The following GRIN3B variants were observed in gnomAD, a reference collection of about 807,000 sequenced individuals.
The protein encoded by GRIN3B is glutamate receptor ionotropic, NMDA 3B.
GRIN3B carries 77 observed loss-of-function variants against 66.0 expected under a neutral mutation model. That is an observed-to-expected ratio of 1.17 (90% CI 0.97 to 1.41). The LOEUF (loss-of-function observed/expected upper bound fraction) is 1.41. GRIN3B is among the 40% of genes most tolerant of loss of function. The pLI is 0.00. For missense variants in GRIN3B, 1,787 were observed against 1,564.5 expected (o/e 1.14, Z -2.40); for synonymous variants, 823 against 749.7 (o/e 1.10, Z -1.60).
Position 1,005,275 on chromosome 19 carries a change from C to T in GRIN3B, c.1774C>T (p.Leu592Phe), listed in dbSNP as rs752736885. 29 of 1,613,496 alleles carry T rather than the reference C, an allele frequency of 1.8e-5. No homozygotes were observed. The Middle Eastern group carries it at 4.9e-4, about 27-fold the overall frequency. ...GGCCCTGCACCTCACCGCGCTCTTC[C>T]TCACCGTGTACGAGTGGCGTAGCCC... is the stretch of plus-strand genomic sequence containing the variant. ...FAALHLTALF[L>F]TVYEWRSPYG... The change falls in exon 3 of 9, where the codon CTC becomes TTC. Residue 592 changes from leucine (L) to phenylalanine (F), a missense_variant. Coordinates refer to ENST00000234389, the MANE Select transcript of GRIN3B (RefSeq NM_138690.3). The surrounding 1 kb of genome is among the most constrained non-coding windows in gnomAD (Gnocchi z 5.2).
intron 8 of GRIN3B, 72 bp from the exon 9 acceptor site, chr19:1,009,101 C>T: frequency 2.1e-6 from 3 of 1,439,776 alleles, no homozygotes; most frequent in Non-Finnish European, 9.1e-7. Context: ...CTGCCGTCAG[C>T]GGCCTCTGCA....
Position 1,003,395 on chromosome 19 carries a change from C to CG in GRIN3B, c.694dup (p.Val232GlyfsTer10). Reference sequence around the variant, plus strand: ...GCGGCGCCAGTGGGGGGTGAAGCACCGGTACCCGCGGCGGTCCTCCTCGGC... The same window carrying CG: ...GCGGCGCCAGTGGGGGGTGAAGCACCGGGTACCCGCGGCGGTCCTCCTCGGC... On this transcript the variant is annotated frameshift_variant, in exon 2 of 9. Transcript: ENST00000234389. LOFTEE classifies it high-confidence loss of function. The CG allele has an allele frequency of 6.4e-7, 1 of 1,556,728 alleles. No homozygotes were observed. The highest frequency in any genetic ancestry group is 8.6e-7 in the Non-Finnish European group (1 of 1,156,696).
In GRIN3B at chr19:1,007,685, G is replaced by A. The variant is rs1288243158; in HGVS notation, c.2110G>A (p.Ala704Thr). ...CACCGTGTGGGAGAGCAGCGCCGAGGCGTACATCAAGAAGAGCTTCCCCGA... is the reference window on the plus strand; with the variant it reads ...CACCGTGTGGGAGAGCAGCGCCGAGACGTACATCAAGAAGAGCTTCCCCGA... ...FGTVWESSAE[A>T]YIKKSFPDMH... The change falls in exon 4 of 9, where the codon GCG (alanine) becomes ACG (threonine). Residue 704 changes from alanine (A) to threonine (T), a missense_variant. Ala to Thr is a moderately conservative substitution (Grantham distance 58). Transcript: ENST00000234389. The surrounding 1 kb of genome is among the most constrained non-coding windows in gnomAD (Gnocchi z 4.4). The A allele has an allele frequency of 1.3e-6, 2 of 1,537,066 alleles. No individual in the cohort carries two copies. Among genetic ancestry groups the A allele is most frequent in the South Asian group, 1.2e-5 (1 of 82,430 alleles).
intron 2 of GRIN3B, 78 bp from the exon 3 acceptor site, chr19:1,004,443 G>C (rs372815021): frequency 1.6e-5 from 21 of 1,274,302 alleles, no homozygotes; most frequent in Non-Finnish European, 2.2e-5. Context: ...AGTGGGAATC[G>C]GGCACGTGCT....
Position 1,004,896 on chromosome 19 carries a change from C to A in GRIN3B, c.1395C>A (p.Asn465Lys), listed in dbSNP as rs774451027. The A allele has an allele frequency of 1.9e-6, 3 of 1,598,300 alleles. No homozygotes were observed. Among genetic ancestry groups the A allele is most frequent in the Non-Finnish European group, 2.6e-6 (3 of 1,170,798 alleles). The change falls in exon 3 of 9, where the codon AAC becomes AAA. Residue 465 changes from asparagine to lysine, a missense_variant. Physicochemically the swap from Asn to Lys is moderately conservative, Grantham distance 94. Transcript: ENST00000234389. Reference protein sequence around the residue: ...TLDALFAALANGSAPRALRKC... With the variant: ...TLDALFAALAKGSAPRALRKC... ...ACGCACTGTTCGCCGCGCTGGCCAACGGCTCAGCGCCCCGTGCCCTGCGCA... is the reference window on the plus strand; with the variant it reads ...ACGCACTGTTCGCCGCGCTGGCCAAAGGCTCAGCGCCCCGTGCCCTGCGCA...
rs776461994 is a variant in GRIN3B, at chr19:1,009,536, G to C, written c.3066G>C (p.Leu1022Phe). 7 of 1,484,256 alleles carry C rather than the reference G, an allele frequency of 4.7e-6. No individual in the cohort carries two copies. In the South Asian group the frequency reaches 9.0e-5, roughly 19 times the overall value. 91.9% of individuals were successfully genotyped at this position (1,484,256 alleles called of 1,614,324 possible). Residue 1022 changes from leucine to phenylalanine, a missense_variant, in exon 9 of 9, where the codon TTG (leucine) becomes TTC (phenylalanine). Physicochemically the swap from Leu to Phe is conservative, Grantham distance 22 (BLOSUM62 0). Coordinates refer to ENST00000234389, the MANE Select transcript of GRIN3B (RefSeq NM_138690.3). Reference protein sequence around the residue: ...GDSARHRPRRLLQARAAPAEA... With the variant: ...GDSARHRPRRFLQARAAPAEA... ...GCGCACGTCACCGGCCTCGGCGCTT[G>C]CTTCAGGCCAGAGCGGCCCCCGCGG... is the stretch of plus-strand genomic sequence containing the variant.
At chr19:1,006,833 C>T (rs942277841) in intron 3 of GRIN3B, among the ~76,000 whole-genome samples, 1 of 152,220 alleles carries the variant, frequency 6.6e-6, no homozygotes, top group South Asian at 2.1e-4. Flanking sequence ...GCCTTTTCAT[C>T]ATACGGAAAC....
In GRIN3B at chr19:1,005,130, C is replaced by T; in HGVS notation, c.1629C>T (p.Asp543=). Reference sequence around the variant, plus strand: ...ACTCCGCCCGCTCACAGGTGGTGGACTTCACCAGCCCCTTCTTCTCCACCA... The same window carrying T: ...ACTCCGCCCGCTCACAGGTGGTGGATTTCACCAGCCCCTTCTTCTCCACCA... ...SINSARSQVV[D]FTSPFFSTSL... The change falls in exon 3 of 9, where the codon GAC becomes GAT. Residue 543 remains aspartate, a synonymous_variant. Transcript: ENST00000234389. The surrounding 1 kb of genome is among the most constrained non-coding windows in gnomAD (Gnocchi z 5.2). The T allele has an allele frequency of 1.2e-6, 2 of 1,613,270 alleles. No homozygotes were observed. The highest frequency in any genetic ancestry group is 8.5e-7 in the Non-Finnish European group (1 of 1,179,956).
Position 1,009,469 on chromosome 19 carries a change from C to G in GRIN3B, c.2999C>G (p.Ala1000Gly). Residue 1000 changes from alanine (A) to glycine (G), a missense_variant, in exon 9 of 9, where the codon GCC becomes GGC. Transcript: ENST00000234389. ...GTCGCGCGTGAGCGGCTCCGCCAGG[C>G]CCTGGTGCGGCGCGGCCAGCTCCTG... Reference protein sequence around the residue: ...IEVARERLRQALVRRGQLLAQ... With the variant: ...IEVARERLRQGLVRRGQLLAQ... The G allele has an allele frequency of 6.7e-7, 1 of 1,483,478 alleles. No homozygotes were observed. Among genetic ancestry groups the G allele is most frequent in the Non-Finnish European group, 8.9e-7 (1 of 1,123,746 alleles). The allele number at this position is 1,483,478 out of a possible 1,614,324, so 91.9% of individuals were successfully genotyped here.
In GRIN3B at chr19:1,004,519, A is replaced by AG; in HGVS notation, c.1020dup. ...CTGACACCCCCCCCGCCCTGCCCCT[A>AG]GGTTCCTGGCCAACACGTCCTTCCA... On this transcript the variant is annotated splice_acceptor_variant, in intron 2 of 8. Transcript: ENST00000234389. LOFTEE classifies it high-confidence loss of function. 1 of 1,348,478 alleles carries AG rather than the reference A, an allele frequency of 7.4e-7. No homozygotes were observed. Among genetic ancestry groups the AG allele is most frequent in the Non-Finnish European group, 1.0e-6 (1 of 985,158 alleles). The allele number at this position is 1,348,478 out of a possible 1,614,324, so 83.5% of individuals were successfully genotyped here.
rs376001147 is a variant in GRIN3B, at chr19:1,005,798, C to T, written c.2052+245C>T. ...GCAGATCACCTGAAGTCAGGAGTCT[C>T]GAACTGGAGCCTGGCCAACATGGTG... On this transcript the variant is annotated intron_variant, in intron 3 of 8. Coordinates refer to ENST00000234389, the MANE Select transcript of GRIN3B (RefSeq NM_138690.3). The surrounding 1 kb of genome is among the most constrained non-coding windows in gnomAD (Gnocchi z 5.2). Among the ~76,000 whole-genome samples, 15 of 152,154 alleles carry T rather than the reference C, an allele frequency of 9.9e-5. No homozygotes were observed. The highest frequency in any genetic ancestry group is 6.5e-4 in the Admixed American group (10 of 15,280).
rs1406150683 is a variant in GRIN3B at position 1,009,338 on chromosome 19, G to A, written c.2868G>A (p.Pro956=). 2.9e-6 allele frequency: 4 copies of A among 1,396,036 alleles called. No homozygotes were observed. The highest frequency in any genetic ancestry group is 3.5e-5 in the Admixed American group (1 of 28,438). 86.5% of individuals were successfully genotyped at this position (1,396,036 alleles called of 1,614,324 possible). The change falls in exon 9 of 9, where the codon CCG becomes CCA. Residue 956 remains proline (P), a synonymous_variant. Transcript: ENST00000234389. ...PEADAEAEAA[P]REGPVWLCSY... ...CGGACGCGGAGGCGGAGGCTGCGCC[G>A]CGAGAGGGCCCCGTCTGGCTGTGCT...
chr19:1,009,564 G>GC lies in GRIN3B; in HGVS notation c.3098dup (p.Pro1034ThrfsTer47). 1 of 890,240 alleles carries GC rather than the reference G, an allele frequency of 1.1e-6. No homozygotes were observed. Among genetic ancestry groups the GC allele is most frequent in the Non-Finnish European group, 1.5e-6 (1 of 659,582 alleles). The allele number at this position is 890,240 out of a possible 1,614,324, so 55.1% of individuals were successfully genotyped here. ...TCAGGCCAGAGCGGCCCCCGCGGAGGCCCCACCACACTCTGGCCGACCGGG... is the reference window on the plus strand; with the variant it reads ...TCAGGCCAGAGCGGCCCCCGCGGAGGCCCCCACCACACTCTGGCCGACCGGG... On this transcript the variant is annotated frameshift_variant, in exon 9 of 9. Coordinates refer to ENST00000234389, the MANE Select transcript of GRIN3B (RefSeq NM_138690.3). LOFTEE classifies it low-confidence loss of function (END_TRUNC).
Position 1,007,746 on chromosome 19 carries a change from C to A in GRIN3B, c.2171C>A (p.Thr724Asn). ...HAHMRRHSAP[T>N]TPRGVAMLTS... ...CACATGCGGCGCCACAGCGCGCCCACCACGCCCCGCGGCGTCGCCATGCTC... is the reference window on the plus strand; with the variant it reads ...CACATGCGGCGCCACAGCGCGCCCAACACGCCCCGCGGCGTCGCCATGCTC... The change falls in exon 4 of 9, where the codon ACC becomes AAC. Residue 724 changes from threonine (T) to asparagine (N), a missense_variant. Physicochemically the swap from Thr to Asn is moderately conservative, Grantham distance 65 (BLOSUM62 0). Coordinates refer to ENST00000234389, the MANE Select transcript of GRIN3B (RefSeq NM_138690.3). The surrounding 1 kb of genome is among the most constrained non-coding windows in gnomAD (Gnocchi z 4.4). 1 of 1,520,500 alleles carries A rather than the reference C, an allele frequency of 6.6e-7. No individual in the cohort carries two copies. Among genetic ancestry groups the A allele is most frequent in the African/African-American group, 1.4e-5 (1 of 69,900 alleles). 94.2% of individuals were successfully genotyped at this position (1,520,500 alleles called of 1,614,324 possible). A position where few individuals can be genotyped will look rare whatever the true frequency, so the allele number is the denominator to read the frequency against.
In GRIN3B at chr19:1,008,668, C is replaced by T; in HGVS notation, c.2517C>T (p.Cys839=). 1.2e-6 allele frequency: 2 copies of T among 1,604,988 alleles called. No homozygotes were observed. The highest frequency in any genetic ancestry group is 8.5e-7 in the Non-Finnish European group (1 of 1,179,784). Residue 839 remains cysteine, a synonymous_variant, in exon 7 of 9, where the codon TGC becomes TGT. Coordinates refer to ENST00000234389, the MANE Select transcript of GRIN3B (RefSeq NM_138690.3). The part of the protein sequence containing the change: ...YHFAGLFVLL[C]LGLGSALLSS... ...TCGCGGGCCTCTTCGTGTTGCTGTG[C>T]CTGGGCCTGGGCAGCGCTCTGCTCA...
chr19:1,006,901 G>C (rs113980483), intron 3 of GRIN3B, among the ~76,000 whole-genome samples: 4 of 152,300 alleles, frequency 2.6e-5, no homozygotes, highest in African/African-American at 9.6e-5. Flanking sequence ...GGTTTTTGGT[G>C]GTGCTGGAAT....
chr19:1,001,851 A>G (rs906695830), intron 1 of GRIN3B, among the ~76,000 whole-genome samples: 10 of 152,078 alleles, frequency 6.6e-5, no homozygotes, highest in African/African-American at 2.4e-4. Flanking sequence ...TGCCGTCTCC[A>G]GGAGCTGCAC....
In GRIN3B at chr19:1,008,272, G is replaced by T. The variant is rs77030329; in HGVS notation, c.2447G>T (p.Arg816Leu). Residue 816 changes from arginine (R) to leucine (L), a missense_variant, in exon 6 of 9, where the codon CGG becomes CTG. Transcript: ENST00000234389. ...TACAAGATGGTGCCTTGCGGCAAGC[G>T]GGTCTTTGCGGTTACAGAGGTGGGG... ...KWYKMVPCGK[R>L]VFAVTETLQM... 1 of 1,608,874 alleles carries T rather than the reference G, an allele frequency of 6.2e-7. No individual in the cohort carries two copies. The highest frequency in any genetic ancestry group is 1.1e-5 in the South Asian group (1 of 90,644).
Position 1,003,470 on chromosome 19 carries a change from C to T in GRIN3B, c.767C>T (p.Pro256Leu), listed in dbSNP as rs2038705402. 3 of 1,538,158 alleles carry T rather than the reference C, an allele frequency of 2.0e-6. No individual in the cohort carries two copies. The highest frequency in any genetic ancestry group is 2.6e-6 in the Non-Finnish European group (3 of 1,147,090). The change falls in exon 2 of 9, where the codon CCC becomes CTC. Residue 256 changes from proline to leucine, a missense_variant. Pro to Leu is a moderately conservative substitution (Grantham distance 98). Transcript: ENST00000234389. Reference protein sequence around the residue: ...RRVLEAVPPGPHWLLGTPLPP... With the variant: ...RRVLEAVPPGLHWLLGTPLPP... Reference sequence around the variant, plus strand: ...GTGCTGGAGGCCGTACCTCCCGGCCCCCACTGGCTGTTGGGGACACCACTG... The same window carrying T: ...GTGCTGGAGGCCGTACCTCCCGGCCTCCACTGGCTGTTGGGGACACCACTG...
Sources: gnomAD v4.1 joint callset for allele counts (sites outside exome capture counted in the v4.1 genomes callset) on GRCh38, gnomAD v4.1.1 for gene constraint, Gnocchi (gnomAD v3.1) non-coding constraint, MANE v1.5 for transcripts, NCBI Gene and HGNC (gene_info 2026-07-23, HGNC 2026-07-21) for gene names.